SVIL: variants seen among roughly 807,000 people sequenced by gnomAD.
SVIL encodes the protein supervillin, also known as archvillin.
Under a neutral mutation model 240.4 loss-of-function variants are expected in SVIL, and 101 were observed. That is an observed-to-expected ratio of 0.42 (90% CI 0.36 to 0.50). The LOEUF (loss-of-function observed/expected upper bound fraction) is 0.50. Ranked by LOEUF, SVIL falls within the 20% of genes least tolerant of loss-of-function variation. The probability of loss-of-function intolerance (pLI) is 0.01; values close to 1 mark genes in which losing one functional copy is unlikely to be tolerated. For synonymous variants in SVIL, 999 were observed against 1,100.0 expected, an observed-to-expected ratio of 0.91 and a Z score of 1.82; for missense variants, 2,512 against 2,818.7, an observed-to-expected ratio of 0.89 and a Z score of 2.46.
chr10:29,670,355 TA>T (rs1304802106), intron 2 of SVIL, among the ~76,000 whole-genome samples: 5 of 152,188 alleles, frequency 3.3e-5, no homozygotes, highest in African/African-American at 1.2e-4. Flanking sequence ...GCAAAGCTAA[TA>T]AAAGCTTCAA....
chr10:29,625,034 C>T (rs1194055776), intron 1 of SVIL, among the ~76,000 whole-genome samples: 2 of 151,870 alleles, frequency 1.3e-5, no homozygotes, highest in Non-Finnish European at 2.9e-5. Context: ...TCAGCTTCAC[C>T]CAGTGATAGA....
chr10:29,484,397 A>T lies in SVIL; in HGVS notation c.4955+259T>A, dbSNP rs10160200. Among the ~76,000 whole-genome samples, 4,598 of 152,292 alleles carry T rather than the reference A, an allele frequency of 0.03. 257 individuals are homozygous for T. Among genetic ancestry groups the T allele is most frequent in the East Asian group, 0.24 (1,229 of 5,176 alleles). ...AGCACTTGTAATGCCGCAGGGAGGA[A>T]CTTGCAGCATTTCTTGCTCACTTCA... On this transcript the variant is annotated intron_variant, in intron 27 of 37. Coordinates refer to ENST00000355867, the MANE Select transcript of SVIL (RefSeq NM_021738.3). This position sits in a 1 kb window ranked among gnomAD's most constrained non-coding sequence, Gnocchi z 4.7.
At chr10:29,610,083 C>T (rs1957184589) in intron 1 of SVIL, among the ~76,000 whole-genome samples, 1 of 152,188 alleles carries the variant, frequency 6.6e-6, no homozygotes, top group Non-Finnish European at 1.5e-5. Context: ...ACCCCTCACC[C>T]TTTTCTCATT....
At chr10:29,620,072 T>C (rs1460130223) in intron 1 of SVIL, among the ~76,000 whole-genome samples, 1 of 152,180 alleles carries the variant, frequency 6.6e-6, no homozygotes, top group Non-Finnish European at 1.5e-5. Context: ...AAAGTTTTTT[T>C]AGTATTAGCA....
intron 17 of SVIL, 150 bp from the exon 18 acceptor site, chr10:29,499,413 T>C (rs1222347721): frequency 6.6e-6 from 7 of 1,059,250 alleles, no homozygotes; most frequent in Middle Eastern, 3.1e-4. Flanking sequence ...CTATCTGAAA[T>C]GGGCTTGGCT....
At position 29,524,678 on chromosome 10, in the gene SVIL, C is replaced by G; in HGVS notation, c.2380G>C (p.Asp794His). The change falls in exon 14 of 38, where the codon GAC becomes CAC. Residue 794 changes from aspartate (D) to histidine (H), a missense_variant. Coordinates refer to ENST00000355867, the MANE Select transcript of SVIL (RefSeq NM_021738.3). ...AGCTCTTTGCCCTCATTTGTCTGGT[C>G]CTTGGCTAAGGCCTTTTGGTGAGCA... ...ASAHQKALAK[D>H]QTNEGKELAE... 4.3e-6 allele frequency: 7 copies of G among 1,614,134 alleles called. No individual in the cohort carries two copies. The highest frequency in any genetic ancestry group is 5.9e-6 in the Non-Finnish European group (7 of 1,180,032).
chr10:29,733,097 A>G (rs533336457), intron 1 of SVIL, among the ~76,000 whole-genome samples: 188 of 152,290 alleles, frequency 1.2e-3, no homozygotes, highest in Non-Finnish European at 2.1e-3. Flanking sequence ...TAACTGTACT[A>G]TATTGCCATA....
chr10:29,664,456 C>T (rs1360528808), intron 2 of SVIL, among the ~76,000 whole-genome samples: 3 of 152,036 alleles, frequency 2.0e-5, no homozygotes, highest in Admixed American at 1.3e-4. Flanking sequence ...AGCTCAGCGA[C>T]CTCTCCCTGT....
At chr10:29,567,098 T>C (rs1955035449) in intron 2 of SVIL, among the ~76,000 whole-genome samples, 1 of 152,240 alleles carries the variant, frequency 6.6e-6, no homozygotes, top group Non-Finnish European at 1.5e-5. Context: ...GTGCTCGTTC[T>C]TTAGGACTGA....
intron 3 of SVIL, among the ~76,000 whole-genome samples, chr10:29,562,769 G>GAAAAAAAAAAAAAAAAAAAA (rs34507610): frequency 8.6e-6 from 1 of 115,714 alleles, no homozygotes; most frequent in Non-Finnish European, 1.7e-5. Context: ...TCAAAAAAAA[G>GAAAAAAAAAAAAAAAAAAAA]AAAAAAAAAA....
chr10:29,669,656 C>G (rs11007689), intron 2 of SVIL, among the ~76,000 whole-genome samples: 37,126 of 151,996 alleles, frequency 0.24, 5,491 homozygotes, highest in African/African-American at 0.41. Flanking sequence ...GCTGGGAGGT[C>G]ACAGTGGAGG....
At chr10:29,697,344 T>G (rs986949050) in intron 1 of SVIL, among the ~76,000 whole-genome samples, 2 of 87,304 alleles carry the variant, frequency 2.3e-5, no homozygotes, top group African/African-American at 1.0e-4. Context: ...GAATGGGCCA[T>G]GATGACGATG....
At chr10:29,582,869 T>G (rs1430540128) in intron 1 of SVIL, among the ~76,000 whole-genome samples, 2 of 152,102 alleles carry the variant, frequency 1.3e-5, no homozygotes, top group Non-Finnish European at 2.9e-5. Context: ...ATGCCTCTCC[T>G]CTCGTGAGAA....
chr10:29,670,836 G>T (rs1148214), intron 2 of SVIL: 112,342 of 152,176 alleles, frequency 0.74, 42,078 homozygotes, highest in African/African-American at 0.87. Flanking sequence ...ATCTGTTTCA[G>T]CCAAGACAGG....
At chr10:29,615,660 CT>C (rs1250500999) in intron 1 of SVIL, among the ~76,000 whole-genome samples, 1 of 152,196 alleles carries the variant, frequency 6.6e-6, no homozygotes, top group Non-Finnish European at 1.5e-5. Flanking sequence ...TACTTTCAGT[CT>C]TTCTGCTCAT....
intron 1 of SVIL, among the ~76,000 whole-genome samples, chr10:29,697,023 C>T (rs1962115360): frequency 7.3e-6 from 1 of 136,838 alleles, no homozygotes; most frequent in Non-Finnish European, 1.6e-5. Context: ...GTGGGGGGCT[C>T]AGCCCCCCGC....
chr10:29,499,377 A>G (rs1456170661), intron 17 of SVIL, 114 bp from the exon 18 acceptor site: 11 of 1,372,416 alleles, frequency 8.0e-6, no homozygotes, highest in Non-Finnish European at 1.1e-5. Flanking sequence ...GAGTAAGTAT[A>G]TTGTCCAAAG....
chr10:29,499,006 G>T (rs1836581732), intron 18 of SVIL, 110 bp downstream of exon 18: 6 of 1,432,582 alleles, frequency 4.2e-6, no homozygotes, highest in Non-Finnish European at 5.6e-6. Context: ...AAAGACCATG[G>T]TTTCTTCTTT....
intron 1 of SVIL, among the ~76,000 whole-genome samples, chr10:29,727,976 A>C (rs978565679): frequency 6.6e-6 from 1 of 152,164 alleles, no homozygotes; most frequent in African/African-American, 2.4e-5. Context: ...TTGGGGGAAA[A>C]GTAAAGATTC....
Sources: allele counts gnomAD v4.1 joint callset (sites outside exome capture counted in the v4.1 genomes callset), GRCh38; gene constraint gnomAD v4.1.1; non-coding constraint Gnocchi (gnomAD v3.1); transcripts MANE v1.5; gene names NCBI Gene and HGNC (gene_info 2026-07-23, HGNC 2026-07-21).